Variants in PARVB observed in about 807,000 individuals in gnomAD.
PARVB encodes the protein beta-parvin.
Under a neutral mutation model 47.0 loss-of-function variants are expected in PARVB, and 46 were observed. The observed-to-expected ratio is 0.98, with a 90% CI of 0.77 to 1.25. PARVB has a LOEUF of 1.25. Ranked by LOEUF, PARVB falls within the 50% of genes most tolerant of loss-of-function variation. The pLI, the probability that PARVB is intolerant of heterozygous loss-of-function variation, is 0.00. For missense variants in PARVB, 473 were observed against 471.6 expected, an observed-to-expected ratio of 1.00 and a Z score of -0.03; for synonymous variants, 196 against 196.3, an observed-to-expected ratio of 1.00 and a Z score of 0.01.
intron 1 of PARVB, among the ~76,000 whole-genome samples, chr22:44,042,313 C>CCCA (rs2051033488): frequency 6.6e-6 from 1 of 152,090 alleles, no homozygotes; most frequent in African/African-American, 2.4e-5. Context: ...CCCAGCTGCT[C>CCCA]AGGAGGCTGA....
At chr22:44,061,346 G>A (rs2051415448) in intron 1 of PARVB, among the ~76,000 whole-genome samples, 1 of 151,674 alleles carries the variant, frequency 6.6e-6, no homozygotes, top group African/African-American at 2.4e-5. Context: ...CTGGAGAATT[G>A]CTTGAACCCA....
intron 1 of PARVB, among the ~76,000 whole-genome samples, chr22:44,053,819 T>C (rs1477864798): frequency 6.6e-6 from 1 of 152,198 alleles, no homozygotes. Flanking sequence ...ATAAAGGATA[T>C]TACAAAGGAT....
chr22:44,063,852 G>A (rs1420560111), intron 1 of PARVB, among the ~76,000 whole-genome samples: 3 of 152,108 alleles, frequency 2.0e-5, no homozygotes, highest in African/African-American at 7.2e-5. Flanking sequence ...AGGCCAGCTC[G>A]GATTCCCAGT....
chr22:44,078,851 A>T (rs1003227211), intron 1 of PARVB, among the ~76,000 whole-genome samples: 9 of 152,250 alleles, frequency 5.9e-5, no homozygotes, highest in South Asian at 4.1e-4. Flanking sequence ...CAGCCTCCCA[A>T]GTAACTAGGA....
At chr22:44,041,872 G>A (rs1221358815) in intron 1 of PARVB, among the ~76,000 whole-genome samples, 1 of 152,064 alleles carries the variant, frequency 6.6e-6, no homozygotes, top group Non-Finnish European at 1.5e-5. Context: ...GTGACAGAGC[G>A]AGACCCTGCC....
intron 1 of PARVB, among the ~76,000 whole-genome samples, chr22:44,050,165 T>G (rs897284441): frequency 1.3e-5 from 2 of 152,092 alleles, no homozygotes; most frequent in African/African-American, 2.4e-5. Context: ...GCCACTGCCT[T>G]TACACTTCTT....
intron 3 of PARVB, chr22:44,112,387 G>C (rs961152917): frequency 2.0e-5 from 3 of 152,416 alleles, no homozygotes; most frequent in African/African-American, 7.2e-5. Flanking sequence ...AGAGTCCAGG[G>C]TCGGCCCTGT....
rs1280243035 is a variant in PARVB at position 44,100,143 on chromosome 22, T to C, written c.273+20T>C. 2 of 1,600,736 alleles carry C rather than the reference T, an allele frequency of 1.2e-6. No homozygotes were observed. The highest frequency in any genetic ancestry group is 1.7e-6 in the Non-Finnish European group (2 of 1,167,834). On this transcript the variant is annotated intron_variant, in intron 3 of 12. Coordinates refer to ENST00000338758, the MANE Select transcript of PARVB (RefSeq NM_013327.5). ...GTCAAGGTAAGGAGCTCCGTCTTGGTTGGAATCTTCCTCTTAGGGCGAGGA... is the reference window on the plus strand; with the variant it reads ...GTCAAGGTAAGGAGCTCCGTCTTGGCTGGAATCTTCCTCTTAGGGCGAGGA...
chr22:44,154,600 GGTGT>G (rs1312732544), intron 10 of PARVB, among the ~76,000 whole-genome samples: 3 of 147,234 alleles, frequency 2.0e-5, no homozygotes, highest in Non-Finnish European at 3.0e-5. Context: ...TATGTAGTCT[GGTGT>G]GTGTGTGTGG....
chr22:44,025,107 C>A (rs1405374089), intron 1 of PARVB, among the ~76,000 whole-genome samples: 1 of 152,026 alleles, frequency 6.6e-6, no homozygotes, highest in African/African-American at 2.4e-5. Flanking sequence ...GAGATACATT[C>A]TGGAATTTTC....
intron 8 of PARVB, chr22:44,146,248 A>C (rs1026234033): frequency 1.4e-5 from 2 of 146,046 alleles, no homozygotes; most frequent in Non-Finnish European, 3.0e-5. Flanking sequence ...ACACGCGCTC[A>C]CACGTACACA....
chr22:44,017,942 CAT>C (rs1412378587), intron 2 of PARVB, among the ~76,000 whole-genome samples: 3 of 152,156 alleles, frequency 2.0e-5, no homozygotes, highest in Non-Finnish European at 4.4e-5. Flanking sequence ...ACGTGTCACA[CAT>C]GTGACATTGT....
chr22:44,108,707 A>G (rs1776987014), intron 3 of PARVB: 2 of 152,168 alleles, frequency 1.3e-5, no homozygotes, highest in African/African-American at 4.8e-5. Flanking sequence ...GGGGAGAATT[A>G]CAAAGAACCT....
intron 3 of PARVB, among the ~76,000 whole-genome samples, chr22:44,116,520 C>T (rs577692364): frequency 3.5e-4 from 53 of 152,314 alleles, no homozygotes; most frequent in African/African-American, 1.3e-3. Context: ...GAGCCTGGTC[C>T]GCAGTGGTGC....
At chr22:44,151,390 A>G (rs1022241359) in intron 9 of PARVB, 93 bp from the exon 10 acceptor site, 15 of 895,412 alleles carry the variant, frequency 1.7e-5, no homozygotes, top group Middle Eastern at 2.3e-4. Context: ...AGCGTTTCAC[A>G]GAGCTGGGGC....
At chr22:44,012,837 T>G (rs1469322306) in intron 2 of PARVB, among the ~76,000 whole-genome samples, 3 of 152,110 alleles carry the variant, frequency 2.0e-5, no homozygotes, top group African/African-American at 7.2e-5. Context: ...AATATCAGCT[T>G]CTTTTTAGTT....
At chr22:44,017,376 A>G (rs2050594734) in intron 2 of PARVB, among the ~76,000 whole-genome samples, 1 of 152,172 alleles carries the variant, frequency 6.6e-6, no homozygotes, top group Non-Finnish European at 1.5e-5. Flanking sequence ...TTTACATGGG[A>G]TTTCTTAGTA....
At chr22:44,134,211 C>T (rs2053392065) in intron 6 of PARVB, among the ~76,000 whole-genome samples, 1 of 152,206 alleles carries the variant, frequency 6.6e-6, no homozygotes, top group Admixed American at 6.5e-5. Context: ...GAATGCTCCT[C>T]TCTGGCATCC....
chr22:44,040,578 G>A (rs144631103), intron 1 of PARVB, among the ~76,000 whole-genome samples: 1 of 152,270 alleles, frequency 6.6e-6, no homozygotes, highest in Non-Finnish European at 1.5e-5. Context: ...CAAGGAATGT[G>A]AGCAGCCTCT....
Sources: allele counts gnomAD v4.1 joint callset (sites outside exome capture counted in the v4.1 genomes callset), GRCh38; gene constraint gnomAD v4.1.1; transcripts MANE v1.5; gene names NCBI Gene and HGNC (gene_info 2026-07-23, HGNC 2026-07-21).